Variants in TDRD7 observed in about 807,000 individuals in gnomAD.
The protein encoded by TDRD7 is tudor domain containing 7.
Under a neutral mutation model 109.8 loss-of-function variants are expected in TDRD7, and 47 were observed. That is an observed-to-expected ratio of 0.43 (90% confidence interval 0.34 to 0.55). The LOEUF (loss-of-function observed/expected upper bound fraction) is 0.55, where lower values mean the gene tolerates loss of function less well. Ranked by LOEUF, TDRD7 falls within the 20% of genes least tolerant of loss-of-function variation. TDRD7 has a pLI of 0.03. For synonymous variants in TDRD7, 424 were observed against 457.3 expected (o/e 0.93, Z 0.93); for missense variants, 1,164 against 1,319.2 (o/e 0.88, Z 1.82).
At chr9:97,421,817 T>C (rs1269249903) in intron 1 of TDRD7, among the ~76,000 whole-genome samples, 4 of 151,800 alleles carry the variant, frequency 2.6e-5, no homozygotes, top group African/African-American at 7.3e-5. Context: ...TGCCTTGGTC[T>C]CCCAAAGTGC....
At chr9:97,452,136 C>T (rs575621578) in intron 6 of TDRD7, among the ~76,000 whole-genome samples, 7 of 152,176 alleles carry the variant, frequency 4.6e-5, no homozygotes, top group Admixed American at 3.9e-4. Context: ...ATCACTTGAG[C>T]CCAGGAGGTG....
intron 6 of TDRD7, among the ~76,000 whole-genome samples, chr9:97,443,098 G>A (rs1038756324): frequency 3.3e-5 from 5 of 152,046 alleles, no homozygotes; most frequent in African/African-American, 1.2e-4. Context: ...ATGCCTGGCC[G>A]AAAACATGTG....
At chr9:97,441,957 T>C (rs1282204095) in intron 6 of TDRD7, 82 bp downstream of exon 6, 5 of 1,174,020 alleles carry the variant, frequency 4.3e-6, no homozygotes, top group East Asian at 2.3e-5. Context: ...ATATCACCTT[T>C]TATCCCCAGA....
chr9:97,453,729 A>G (rs902285755), intron 6 of TDRD7, among the ~76,000 whole-genome samples: 16 of 152,214 alleles, frequency 1.1e-4, no homozygotes, highest in Admixed American at 6.5e-5. Flanking sequence ...GCAAAAAAAT[A>G]AAAAAGCAGG....
At chr9:97,433,706 A>G (rs1203350289) in intron 4 of TDRD7, among the ~76,000 whole-genome samples, 1 of 152,196 alleles carries the variant, frequency 6.6e-6, no homozygotes, top group Non-Finnish European at 1.5e-5. Flanking sequence ...AAGGACCTGA[A>G]CAGACATTTC....
chr9:97,483,475 C>A, intron 15 of TDRD7, 124 bp downstream of exon 15: 1 of 1,184,270 alleles, frequency 8.4e-7, no homozygotes, highest in Non-Finnish European at 1.2e-6. Flanking sequence ...GTGAAACAAA[C>A]ACAGTAATTT....
intron 1 of TDRD7, among the ~76,000 whole-genome samples, chr9:97,426,727 T>G (rs1828001995): frequency 6.6e-6 from 1 of 152,228 alleles, no homozygotes; most frequent in African/African-American, 2.4e-5. Flanking sequence ...ACTAAAACAC[T>G]GTTAAGTGGC....
intron 7 of TDRD7, among the ~76,000 whole-genome samples, chr9:97,464,355 A>G (rs910167868): frequency 1.3e-5 from 2 of 152,058 alleles, no homozygotes; most frequent in African/African-American, 4.8e-5. Context: ...TGCAGTCTCC[A>G]TTGTCCCTTA....
intron 6 of TDRD7, among the ~76,000 whole-genome samples, chr9:97,453,313 G>T (rs909710401): frequency 3.3e-5 from 5 of 151,920 alleles, no homozygotes; most frequent in Non-Finnish European, 7.4e-5. Flanking sequence ...ACAACATTTT[G>T]GTCAATGATG....
intron 6 of TDRD7, among the ~76,000 whole-genome samples, chr9:97,458,758 G>A (rs888230721): frequency 1.3e-5 from 2 of 152,228 alleles, no homozygotes; most frequent in Admixed American, 6.5e-5. Context: ...CCTATGTGAT[G>A]TAGAATATGT....
intron 11 of TDRD7, 77 bp from the exon 12 acceptor site, chr9:97,475,306 C>A: frequency 8.7e-7 from 1 of 1,154,484 alleles, no homozygotes; most frequent in Non-Finnish European, 1.3e-6. Context: ...AGTGCCACAG[C>A]GATCTGTTTT....
chr9:97,460,873 G>A, intron 7 of TDRD7, 109 bp downstream of exon 7: 1 of 1,033,830 alleles, frequency 9.7e-7, no homozygotes, highest in South Asian at 1.4e-5. Context: ...CGGGTGCGGT[G>A]GCTCACACCT....
chr9:97,492,400 C>T (rs1002356927), intron 16 of TDRD7, among the ~76,000 whole-genome samples: 1 of 152,240 alleles, frequency 6.6e-6, no homozygotes, highest in Non-Finnish European at 1.5e-5. Context: ...AAACTCAGCA[C>T]TCTGCCTCTT....
intron 4 of TDRD7, among the ~76,000 whole-genome samples, chr9:97,434,171 T>G (rs1828154960): frequency 6.6e-6 from 1 of 152,172 alleles, no homozygotes; most frequent in Non-Finnish European, 1.5e-5. Flanking sequence ...ATGGAATACT[T>G]ACTCTTCAGC....
intron 16 of TDRD7, among the ~76,000 whole-genome samples, chr9:97,488,560 G>GTTTTTT (rs61689126): frequency 3.6e-5 from 5 of 140,596 alleles, no homozygotes; most frequent in Non-Finnish European, 4.6e-5. Context: ...AGATTTAATG[G>GTTTTTT]TTTTTTTTTT....
chr9:97,478,192 C>T (rs1260932434), intron 12 of TDRD7, among the ~76,000 whole-genome samples: 7 of 151,962 alleles, frequency 4.6e-5, no homozygotes, highest in African/African-American at 9.7e-5. Flanking sequence ...ACCTGGGAGG[C>T]GGAGGTTGCA....
chr9:97,475,522 A>G, intron 12 of TDRD7, 53 bp downstream of exon 12: 1 of 1,267,168 alleles, frequency 7.9e-7, no homozygotes, highest in South Asian at 1.2e-5. Flanking sequence ...AAATATTTCA[A>G]ATATACACAT....
chr9:97,468,714 C>G (rs1488639964), intron 8 of TDRD7, among the ~76,000 whole-genome samples: 3 of 152,210 alleles, frequency 2.0e-5, no homozygotes, highest in Non-Finnish European at 2.9e-5. Context: ...CCAGTTTGGC[C>G]TGACCCAGGC....
chr9:97,478,345 A>T, intron 12 of TDRD7, 94 bp from the exon 13 acceptor site: 1 of 1,391,282 alleles, frequency 7.2e-7, no homozygotes. Context: ...GTTCCTTTTA[A>T]TATGCATTCA....
Sources: gnomAD v4.1 joint callset for allele counts (sites outside exome capture counted in the v4.1 genomes callset) on GRCh38, gnomAD v4.1.1 for gene constraint, MANE v1.5 for transcripts, NCBI Gene and HGNC (gene_info 2026-07-23, HGNC 2026-07-21) for gene names.